Variants in ANK3 observed in about 807,000 individuals in gnomAD.
ANK3 encodes ankyrin-3.
ANK3 carries 57 observed loss-of-function variants against 370.9 expected under a neutral mutation model. The ratio of observed to expected loss-of-function variants is 0.15; its 90% CI spans 0.12 to 0.19. The LOEUF is 0.19. Among genes scored for constraint, ANK3 ranks in the 10% least tolerant of loss-of-function variants. The pLI is 1.00. For missense variants in ANK3, 4,439 were observed against 5,302.1 expected, an observed-to-expected ratio of 0.84 and a Z score of 5.06; for synonymous variants, 1,929 against 1,946.3, an observed-to-expected ratio of 0.99 and a Z score of 0.23.
chr10:60,720,700 C>T (rs1358316433), intron 1 of ANK3, among the ~76,000 whole-genome samples: 1 of 152,188 alleles, frequency 6.6e-6, no homozygotes, highest in Non-Finnish European at 1.5e-5. Context: ...GCAGCCTCCA[C>T]ATCTTGGGCT....
intron 2 of ANK3, among the ~76,000 whole-genome samples, chr10:60,442,118 TG>T: frequency 6.9e-6 from 1 of 145,260 alleles, no homozygotes; most frequent in South Asian, 2.2e-4. Flanking sequence ...TTTTTTGAGA[TG>T]GAATCTTGCT....
At chr10:60,717,690 G>A (rs1437325279) in intron 1 of ANK3, among the ~76,000 whole-genome samples, 1 of 152,124 alleles carries the variant, frequency 6.6e-6, no homozygotes, top group Non-Finnish European at 1.5e-5. Context: ...ATCAAGTAAT[G>A]AAAACTCAGA....
chr10:60,113,496 C>T (rs1368498369), intron 26 of ANK3, among the ~76,000 whole-genome samples: 1 of 152,124 alleles, frequency 6.6e-6, no homozygotes, highest in East Asian at 1.9e-4. Context: ...ATTGCTTAAG[C>T]TCAGGAGTTT....
In ANK3 at chr10:60,263,825, C is replaced by T. The variant is rs1289631212; in HGVS notation, c.699+10G>A. 18 of 1,613,350 alleles carry T rather than the reference C, an allele frequency of 1.1e-5. No individual in the cohort carries two copies. The highest frequency in any genetic ancestry group is 6.7e-5 in the East Asian group (3 of 44,876). Reference sequence around the variant, plus strand: ...AGTTGCATGACAGGCCCGTGTCCCTCGTGCCTCACCTTTGATTCCACATCT... The same window carrying T: ...AGTTGCATGACAGGCCCGTGTCCCTTGTGCCTCACCTTTGATTCCACATCT... On this transcript the variant is annotated intron_variant, in intron 6 of 43. Transcript: ENST00000280772.
intron 31 of ANK3, 147 bp from the exon 32 acceptor site, chr10:60,084,977 T>C (rs1589760013): frequency 1.3e-6 from 1 of 758,954 alleles, no homozygotes; most frequent in Non-Finnish European, 2.0e-6. Context: ...AAGATGCTTT[T>C]TCGATGTATC....
intron 1 of ANK3, among the ~76,000 whole-genome samples, chr10:60,631,061 G>T (rs949641753): frequency 6.6e-6 from 1 of 152,110 alleles, no homozygotes; most frequent in Non-Finnish European, 1.5e-5. Context: ...CCAGGTTTTT[G>T]ATAAGAACAA....
chr10:60,374,731 T>G (rs1256386327), intron 1 of ANK3, among the ~76,000 whole-genome samples: 3 of 152,204 alleles, frequency 2.0e-5, no homozygotes. Flanking sequence ...GATGAAGTGC[T>G]GTTGTCCTTT....
chr10:60,080,647 T>C (rs1163819647), intron 35 of ANK3, 29 bp from the exon 36 acceptor site: 10 of 1,506,432 alleles, frequency 6.6e-6, no homozygotes, highest in Non-Finnish European at 9.0e-6. Context: ...AAGACAACTC[T>C]ATTTCCAACT....
intron 28 of ANK3, among the ~76,000 whole-genome samples, chr10:60,095,486 T>G (rs893228927): frequency 3.9e-5 from 6 of 152,212 alleles, no homozygotes; most frequent in African/African-American, 1.2e-4. Context: ...GCTCAAGCAA[T>G]CCTCCCACTT....
intron 2 of ANK3, among the ~76,000 whole-genome samples, chr10:60,415,207 G>A (rs778817210): frequency 9.2e-5 from 14 of 152,122 alleles, no homozygotes; most frequent in Non-Finnish European, 1.2e-4. Flanking sequence ...AGACAGTCTG[G>A]CCTGGAGCTA....
chr10:60,242,366 C>A (rs999462769), intron 7 of ANK3, among the ~76,000 whole-genome samples: 1 of 152,272 alleles, frequency 6.6e-6, no homozygotes, highest in East Asian at 1.9e-4. Flanking sequence ...ATATGATATA[C>A]TTTAGAATAA....
At chr10:60,250,522 G>A (rs534921323) in intron 7 of ANK3, among the ~76,000 whole-genome samples, 56 of 152,066 alleles carry the variant, frequency 3.7e-4, no homozygotes, top group African/African-American at 5.1e-4. Flanking sequence ...CTGCCACCAC[G>A]CCCAGCTAAT....
intron 2 of ANK3, among the ~76,000 whole-genome samples, chr10:60,538,863 T>C (rs1325099082): frequency 6.6e-6 from 1 of 152,108 alleles, no homozygotes; most frequent in South Asian, 2.1e-4. Context: ...ATAAGCTCTA[T>C]GCCATAGTTA....
chr10:60,234,581 A>G, intron 8 of ANK3, 107 bp downstream of exon 8: 1 of 647,376 alleles, frequency 1.5e-6, no homozygotes, highest in Non-Finnish European at 2.8e-6. Context: ...GACTATAACA[A>G]ATAGAACAGA....
At chr10:60,518,178 G>A (rs928802281) in intron 2 of ANK3, among the ~76,000 whole-genome samples, 2 of 152,120 alleles carry the variant, frequency 1.3e-5, no homozygotes, top group South Asian at 4.1e-4. Flanking sequence ...GTTCCATGCT[G>A]CCAGAAGTTT....
intron 2 of ANK3, among the ~76,000 whole-genome samples, chr10:60,586,583 T>C (rs991568472): frequency 2.6e-5 from 4 of 152,180 alleles, no homozygotes; most frequent in Non-Finnish European, 5.9e-5. Context: ...ACAGAAGAGC[T>C]GGTTTCTGGC....
chr10:60,282,049 C>T (rs530376156), intron 1 of ANK3, among the ~76,000 whole-genome samples: 52 of 152,264 alleles, frequency 3.4e-4, no homozygotes, highest in African/African-American at 7.5e-4. Context: ...AAATTAGCCA[C>T]GCAAGGATGG....
chr10:60,680,232 C>T (rs1180654696), intron 1 of ANK3, among the ~76,000 whole-genome samples: 1 of 152,136 alleles, frequency 6.6e-6, no homozygotes, highest in Admixed American at 6.5e-5. Context: ...CTTTAAGCCC[C>T]TCAGTTGAAT....
At chr10:60,371,939 G>A (rs534761491) in intron 1 of ANK3, among the ~76,000 whole-genome samples, 14 of 152,286 alleles carry the variant, frequency 9.2e-5, no homozygotes, top group African/African-American at 3.1e-4. Flanking sequence ...GTAGACCATA[G>A]GGTTGTTCCT....
Sources: gnomAD v4.1 joint callset for allele counts (sites outside exome capture counted in the v4.1 genomes callset) on GRCh38, gnomAD v4.1.1 for gene constraint, MANE v1.5 for transcripts, NCBI Gene and HGNC (gene_info 2026-07-23, HGNC 2026-07-21) for gene names.